Variants in KCNH5 observed in about 807,000 individuals in gnomAD.
The protein encoded by KCNH5 is potassium voltage-gated channel subfamily H member 5.
KCNH5 carries 46 observed loss-of-function variants against 96.1 expected under a neutral mutation model. That is an observed-to-expected ratio of 0.48 (90% CI 0.38 to 0.61). KCNH5 has a LOEUF of 0.61. Ranked by LOEUF, KCNH5 falls within the 20% of genes least tolerant of loss-of-function variation. KCNH5 has a pLI of 0.00. For synonymous variants in KCNH5, 439 were observed against 449.8 expected, an observed-to-expected ratio of 0.98 and a Z score of 0.30; for missense variants, 907 against 1,225.8, an observed-to-expected ratio of 0.74 and a Z score of 3.88.
At chr14:62,948,592 T>G (rs1889938412) in intron 7 of KCNH5, among the ~76,000 whole-genome samples, 2 of 151,884 alleles carry the variant, frequency 1.3e-5, no homozygotes, top group South Asian at 4.2e-4. Context: ...AAGGAGGAAC[T>G]GGTACCATTC....
At chr14:62,907,231 T>C (rs147171883) in intron 7 of KCNH5, among the ~76,000 whole-genome samples, 11 of 152,340 alleles carry the variant, frequency 7.2e-5, no homozygotes, top group Non-Finnish European at 1.5e-4. Flanking sequence ...AATCAGACCC[T>C]ATGACAAAGA....
chr14:62,958,342 T>C (rs1362475426), intron 6 of KCNH5, among the ~76,000 whole-genome samples: 1 of 152,234 alleles, frequency 6.6e-6, no homozygotes, highest in African/African-American at 2.4e-5. Flanking sequence ...GTGATATCCA[T>C]GGAGGTGAGC....
At chr14:62,789,225 T>C (rs144064070) in intron 9 of KCNH5, among the ~76,000 whole-genome samples, 73 of 152,192 alleles carry the variant, frequency 4.8e-4, no homozygotes, top group African/African-American at 1.7e-3. Context: ...ATAATGTCTT[T>C]AAGGTTCATC....
chr14:62,750,824 T>A (rs1231871795), intron 10 of KCNH5, among the ~76,000 whole-genome samples: 1 of 152,180 alleles, frequency 6.6e-6, no homozygotes, highest in Non-Finnish European at 1.5e-5. Flanking sequence ...TGAGCTGAGG[T>A]AGAAGCTGGT....
chr14:62,866,588 G>T (rs1888139053), intron 7 of KCNH5, among the ~76,000 whole-genome samples: 2 of 152,114 alleles, frequency 1.3e-5, no homozygotes, highest in African/African-American at 2.4e-5. Context: ...GCTCCTGTCA[G>T]GTACTACATA....
intron 1 of KCNH5, among the ~76,000 whole-genome samples, chr14:63,026,037 TAGAG>T (rs774611910): frequency 8.6e-5 from 13 of 151,836 alleles, no homozygotes; most frequent in Non-Finnish European, 1.5e-4. Flanking sequence ...TAAAACATAA[TAGAG>T]AGCCCAGAAA....
chr14:62,775,020 T>C (rs990544614), intron 10 of KCNH5, among the ~76,000 whole-genome samples: 7 of 152,248 alleles, frequency 4.6e-5, no homozygotes, highest in Non-Finnish European at 8.8e-5. Context: ...CAGTAATCTA[T>C]GTACTTCTGT....
intron 8 of KCNH5, among the ~76,000 whole-genome samples, chr14:62,824,766 T>C (rs1342969876): frequency 1.3e-5 from 2 of 152,046 alleles, no homozygotes; most frequent in Non-Finnish European, 2.9e-5. Context: ...ACCATTGTCC[T>C]TCTCCCTCCC....
chr14:62,922,781 G>A (rs1368050861), intron 7 of KCNH5, among the ~76,000 whole-genome samples: 1 of 151,868 alleles, frequency 6.6e-6, no homozygotes, highest in African/African-American at 2.4e-5. Context: ...ATTAGGTATA[G>A]GAAGAATATA....
intron 1 of KCNH5, among the ~76,000 whole-genome samples, chr14:63,025,999 C>A (rs947556150): frequency 7.1e-6 from 1 of 141,574 alleles, no homozygotes; most frequent in African/African-American, 2.9e-5. Flanking sequence ...CAGCACGGTA[C>A]TGGCATAAAA....
rs1414902567 is a variant in KCNH5, at chr14:62,708,464, C to T, written c.2020-9G>A. 5 of 1,556,186 alleles carry T rather than the reference C, an allele frequency of 3.2e-6. No homozygotes were observed. Among genetic ancestry groups the T allele is most frequent in the East Asian group, 2.3e-5 (1 of 44,362 alleles). On this transcript the variant is annotated splice_polypyrimidine_tract_variant and intron_variant, in intron 10 of 10. Transcript: ENST00000322893. ...ATCTTACGAAAGATGATCTGTGGAA[C>T]GGGAGAGATAGTCACAGCCTGATTA...
intron 8 of KCNH5, among the ~76,000 whole-genome samples, chr14:62,816,007 G>T (rs1886970305): frequency 6.6e-6 from 1 of 151,702 alleles, no homozygotes; most frequent in Non-Finnish European, 1.5e-5. Flanking sequence ...TTTGAGAGTT[G>T]ATGATATAAA....
chr14:63,045,020 C>T (rs1891896235), intron 1 of KCNH5, 94 bp downstream of exon 1: 3 of 1,031,372 alleles, frequency 2.9e-6, no homozygotes, highest in Non-Finnish European at 4.6e-6. Flanking sequence ...CCTGCATCCT[C>T]CTCCCCCCTT....
intron 7 of KCNH5, among the ~76,000 whole-genome samples, chr14:62,892,594 T>C (rs79884827): frequency 0.012 from 1,767 of 152,322 alleles, 56 homozygotes; most frequent in African/African-American, 0.04. Flanking sequence ...AAGGAGATAC[T>C]ATCTAGGACT....
At chr14:62,778,730 T>A (rs1473980815) in intron 10 of KCNH5, among the ~76,000 whole-genome samples, 2 of 152,248 alleles carry the variant, frequency 1.3e-5, no homozygotes, top group African/African-American at 4.8e-5. Context: ...GGATGCTCCA[T>A]CTATTTGATA....
At chr14:62,965,046 A>G (rs1594649239) in intron 6 of KCNH5, among the ~76,000 whole-genome samples, 2 of 152,144 alleles carry the variant, frequency 1.3e-5, no homozygotes, top group Non-Finnish European at 2.9e-5. Context: ...AGATTCCCCA[A>G]TACTTATAAT....
intron 8 of KCNH5, among the ~76,000 whole-genome samples, chr14:62,845,198 C>G (rs925084098): frequency 2.6e-5 from 4 of 152,086 alleles, no homozygotes; most frequent in Admixed American, 2.6e-4. Context: ...AACAGGAAGT[C>G]TAACAGAGGT....
intron 6 of KCNH5, among the ~76,000 whole-genome samples, chr14:62,980,058 A>G (rs948498775): frequency 2.0e-5 from 3 of 152,108 alleles, no homozygotes; most frequent in Admixed American, 6.6e-5. Flanking sequence ...TGGGGGTTTT[A>G]AAAGTGGCAG....
chr14:62,829,923 A>T (rs10148076), intron 8 of KCNH5, among the ~76,000 whole-genome samples: 15,334 of 152,220 alleles, frequency 0.1, 1,074 homozygotes, highest in East Asian at 0.3. Context: ...ATGTCAGATT[A>T]TCTCTTCATG....
Sources: gnomAD v4.1 joint callset for allele counts (sites outside exome capture counted in the v4.1 genomes callset) on GRCh38, gnomAD v4.1.1 for gene constraint, MANE v1.5 for transcripts, NCBI Gene and HGNC (gene_info 2026-07-23, HGNC 2026-07-21) for gene names.